Variants in PRR33 observed in about 807,000 individuals in gnomAD.
PRR33 encodes proline rich 33.
In PRR33, 1 loss-of-function variant was observed where a neutral mutation model predicts 0.5. That is an observed-to-expected ratio of 2.18 (90% confidence interval 0.77 to 10.34). The LOEUF (loss-of-function observed/expected upper bound fraction) is 10.34. Among genes scored for constraint, PRR33 ranks in the 30% most tolerant of loss-of-function variants. PRR33 has a pLI of 0.13. For missense variants in PRR33, 552 were observed against 251.8 expected (o/e 2.19, Z -8.07); for synonymous variants, 226 against 110.0 (o/e 2.06, Z -6.60).
chr11:1,892,325 A>G (rs1849033506), upstream of PRR33: 1 of 152,296 alleles, frequency 6.6e-6, no homozygotes, highest in Non-Finnish European at 1.5e-5. Flanking sequence ...ATGTTGGGCC[A>G]GTGGCCAGCC....
chr11:1,909,091 G>A, the PRR33 span, among the ~76,000 whole-genome samples: 1 of 152,214 alleles, frequency 6.6e-6, no homozygotes, highest in Non-Finnish European at 1.5e-5. Flanking sequence ...CTTAGCTTAA[G>A]AAAGACAACA....
the PRR33 span, among the ~76,000 whole-genome samples, chr11:1,915,004 TTCTC>T: frequency 4.1e-4 from 62 of 150,118 alleles, 1 homozygote; most frequent in Admixed American, 9.3e-4. Context: ...GGGATGATAT[TTCTC>T]TGTGTGTGTG....
At chr11:1,907,078 C>T in the PRR33 span, among the ~76,000 whole-genome samples, 8 of 152,238 alleles carry the variant, frequency 5.3e-5, no homozygotes, top group African/African-American at 1.7e-4. Context: ...GCACGGCCCA[C>T]GTGTGGGATC....
chr11:1,916,830 C>T, the PRR33 span, among the ~76,000 whole-genome samples: 2 of 152,212 alleles, frequency 1.3e-5, no homozygotes, highest in Non-Finnish European at 2.9e-5. Flanking sequence ...CCCCATGCCC[C>T]TGCTCCTGGA....
At chr11:1,912,307 C>A in the PRR33 span, among the ~76,000 whole-genome samples, 3 of 151,798 alleles carry the variant, frequency 2.0e-5, no homozygotes, top group Non-Finnish European at 4.4e-5. Context: ...TGTCTTTGCA[C>A]CCCTGATTCG....
chr11:1,908,030 G>T, the PRR33 span: 1 of 152,330 alleles, frequency 6.6e-6, no homozygotes, highest in Admixed American at 6.5e-5. Context: ...CCTCGTAGCT[G>T]TGTGACCTTC....
the PRR33 span, among the ~76,000 whole-genome samples, chr11:1,908,554 G>GT: frequency 1.6e-4 from 25 of 151,902 alleles, no homozygotes; most frequent in African/African-American, 5.8e-4. Context: ...TCTTGTTTGG[G>GT]TTTTTTTAGA....
At chr11:1,894,407 G>T (rs1191947071), upstream of PRR33, among the ~76,000 whole-genome samples, 2 of 151,946 alleles carry the variant, frequency 1.3e-5, no homozygotes, top group South Asian at 2.1e-4. Flanking sequence ...CTAAGTTTTT[G>T]ATTTTTTTTG....
chr11:1,889,234 G>A (rs1022064223), exon 1 of PRR33: 93 of 674,658 alleles, frequency 1.4e-4, no homozygotes, highest in African/African-American at 6.0e-4. Flanking sequence ...GGAGGGGGCC[G>A]GGTGGCCTCC....
At chr11:1,917,644 G>T in the PRR33 span, among the ~76,000 whole-genome samples, 1 of 152,250 alleles carries the variant, frequency 6.6e-6, no homozygotes, top group East Asian at 1.9e-4. Context: ...GTTACCTGGT[G>T]CAGGCCCTCG....
At chr11:1,911,972 G>A in the PRR33 span, among the ~76,000 whole-genome samples, 1 of 124,534 alleles carries the variant, frequency 8.0e-6, no homozygotes, top group African/African-American at 3.1e-5. Context: ...ACCAGCCTGA[G>A]CAAGATAGTG....
chr11:1,908,815 G>A, the PRR33 span, among the ~76,000 whole-genome samples: 5 of 152,208 alleles, frequency 3.3e-5, no homozygotes, highest in East Asian at 1.9e-4. Context: ...GACCAGGGTC[G>A]AACAGTAATG....
At chr11:1,889,363 T>A in exon 1 of PRR33, 1 of 712,550 alleles carries the variant, frequency 1.4e-6, no homozygotes, top group Non-Finnish European at 2.6e-6. Context: ...GCCACTGACA[T>A]GCGGTACAGC....
At chr11:1,898,515 G>A in the PRR33 span, among the ~76,000 whole-genome samples, 1 of 152,058 alleles carries the variant, frequency 6.6e-6, no homozygotes, top group African/African-American at 2.4e-5. Context: ...GATTACAGGC[G>A]TGAGCCACCA....
At chr11:1,888,862 A>G in exon 1 of PRR33, 1 of 376,286 alleles carries the variant, frequency 2.7e-6, no homozygotes, top group Admixed American at 4.2e-5. Flanking sequence ...TTTCATCCCA[A>G]GGCCCCCATC....
exon 1 of PRR33, chr11:1,889,293 G>T: frequency 1.4e-6 from 1 of 699,670 alleles, no homozygotes; most frequent in Non-Finnish European, 2.6e-6. Flanking sequence ...GGGCAGGCGG[G>T]TGAGGCTGGC....
At chr11:1,908,002 T>C in the PRR33 span, 4 of 152,218 alleles carry the variant, frequency 2.6e-5, no homozygotes, top group Non-Finnish European at 5.9e-5. Context: ...AGTCACGGTC[T>C]CAGAGTTGAC....
chr11:1,911,872 C>T, the PRR33 span, among the ~76,000 whole-genome samples: 1 of 151,770 alleles, frequency 6.6e-6, no homozygotes, highest in African/African-American at 2.4e-5. Flanking sequence ...TTAAAAAGAA[C>T]CCCCGAGGCC....
chr11:1,896,493 T>C (rs962767601), upstream of PRR33, among the ~76,000 whole-genome samples: 2 of 152,250 alleles, frequency 1.3e-5, no homozygotes, highest in African/African-American at 4.8e-5. Flanking sequence ...ATCAGTCTTG[T>C]TATTCCACAA....
Sources: gnomAD v4.1 joint callset for allele counts (sites outside exome capture counted in the v4.1 genomes callset) on GRCh38, gnomAD v4.1.1 for gene constraint, MANE v1.5 for transcripts, NCBI Gene and HGNC (gene_info 2026-07-23, HGNC 2026-07-21) for gene names.